Variants in KCNMA1 observed in about 807,000 individuals in gnomAD.
KCNMA1 encodes Calcium-activated potassium channel subunit alpha-1.
KCNMA1 carries 29 observed loss-of-function variants against 140.0 expected under a neutral mutation model. The ratio of observed to expected loss-of-function variants is 0.21; its 90% CI spans 0.15 to 0.28. The LOEUF (loss-of-function observed/expected upper bound fraction) is 0.28, where lower values mean the gene tolerates loss of function less well. KCNMA1 is among the 10% of genes least tolerant of loss of function. KCNMA1 has a pLI of 1.00. For synonymous variants in KCNMA1, 612 were observed against 611.9 expected (o/e 1.00, Z 0.00); for missense variants, 880 against 1,602.2 (o/e 0.55, Z 7.70).
chr10:77,491,714 TACACACACAC>T (rs3071912), intron 1 of KCNMA1, among the ~76,000 whole-genome samples: 71 of 145,560 alleles, frequency 4.9e-4, no homozygotes, highest in Non-Finnish European at 7.3e-4. Flanking sequence ...TTAGAAGTCA[TACACACACAC>T]ACACACACAC....
At chr10:77,523,116 T>C (rs887159972) in intron 1 of KCNMA1, among the ~76,000 whole-genome samples, 4 of 151,958 alleles carry the variant, frequency 2.6e-5, no homozygotes, top group Admixed American at 6.6e-5. Context: ...TAGCAAGATC[T>C]TGGTCAAGCT....
intron 21 of KCNMA1, among the ~76,000 whole-genome samples, chr10:76,949,994 A>C (rs2065654490): frequency 6.6e-6 from 1 of 152,182 alleles, no homozygotes; most frequent in African/African-American, 2.4e-5. Context: ...TTTGTGCTTC[A>C]AAATGGTTGA....
At chr10:77,449,364 A>C (rs2097584175) in intron 1 of KCNMA1, among the ~76,000 whole-genome samples, 1 of 152,146 alleles carries the variant, frequency 6.6e-6, no homozygotes, top group Non-Finnish European at 1.5e-5. Flanking sequence ...ACAAGGGGAA[A>C]TGCTCATTAC....
At chr10:77,507,120 A>G (rs905721974) in intron 1 of KCNMA1, among the ~76,000 whole-genome samples, 4 of 152,206 alleles carry the variant, frequency 2.6e-5, no homozygotes, top group African/African-American at 9.7e-5. Flanking sequence ...TTGTTTCCAT[A>G]GTCTATAAAA....
chr10:76,979,848 G>T (rs2078875558), intron 19 of KCNMA1: 1 of 152,116 alleles, frequency 6.6e-6, no homozygotes, highest in Non-Finnish European at 1.5e-5. Context: ...TTTAGTGCAA[G>T]CCAGGTGCCC....
At chr10:77,427,719 TC>T (rs773728934) in intron 1 of KCNMA1, among the ~76,000 whole-genome samples, 31,177 of 106,536 alleles carry the variant, frequency 0.29, 3,527 homozygotes, top group African/African-American at 0.36. Flanking sequence ...ATCCATCCAT[TC>T]ATTTATTTAT....
At chr10:77,375,160 G>T (rs781651399) in intron 2 of KCNMA1, among the ~76,000 whole-genome samples, 9 of 152,196 alleles carry the variant, frequency 5.9e-5, no homozygotes, top group Non-Finnish European at 1.0e-4. Flanking sequence ...ACCATTGGCG[G>T]GGGACAGCTA....
intron 1 of KCNMA1, among the ~76,000 whole-genome samples, chr10:77,626,229 T>A (rs182781203): frequency 5.9e-5 from 9 of 151,972 alleles, no homozygotes; most frequent in Non-Finnish European, 1.3e-4. Context: ...TTTTTTTTTT[T>A]AGACTGAGGC....
In KCNMA1 at chr10:76,936,716, C is replaced by G. The variant is rs548493009; in HGVS notation, c.2902+8057G>C. On this transcript the variant is annotated intron_variant, in intron 23 of 27. Transcript: ENST00000286628. The stretch of plus-strand genomic sequence containing the variant: ...CAGCCTGGGGGTCAGGAAAGCCAGG[C>G]TTGTAGAAGTGGGAGAAGGCAGAGC... 5.9e-5 allele frequency among the ~76,000 whole-genome samples: 9 copies of G among 152,190 alleles called. No individual in the cohort carries two copies. In the South Asian group the frequency reaches 1.9e-3, roughly 32 times the overall value.
intron 1 of KCNMA1, among the ~76,000 whole-genome samples, chr10:77,430,037 T>C (rs1364167088): frequency 6.6e-6 from 1 of 152,134 alleles, no homozygotes; most frequent in African/African-American, 2.4e-5. Flanking sequence ...CATGTCACAA[T>C]TTGGTTTGTG....
At chr10:77,037,027 A>G (rs1301464357) in intron 15 of KCNMA1, among the ~76,000 whole-genome samples, 1 of 152,200 alleles carries the variant, frequency 6.6e-6, no homozygotes, top group Non-Finnish European at 1.5e-5. Flanking sequence ...TGGAATATAT[A>G]TATATTCCAG....
chr10:77,147,241 T>G (rs1334361192), intron 5 of KCNMA1, among the ~76,000 whole-genome samples: 1 of 152,230 alleles, frequency 6.6e-6, no homozygotes, highest in Non-Finnish European at 1.5e-5. Flanking sequence ...CTGTTTGAAT[T>G]AAGTGTCTGC....
At chr10:77,165,228 C>T (rs2098626488) in intron 5 of KCNMA1, among the ~76,000 whole-genome samples, 1 of 152,066 alleles carries the variant, frequency 6.6e-6, no homozygotes, top group Non-Finnish European at 1.5e-5. Flanking sequence ...AACTTGCCCC[C>T]CAAGAGGAAA....
At position 76,948,777 on chromosome 10, in the gene KCNMA1, A is replaced by G. The variant is rs886581389; in HGVS notation, c.2709+365T>C. Among the ~76,000 whole-genome samples, 4 of 152,252 alleles carry G rather than the reference A, an allele frequency of 2.6e-5. No individual in the cohort carries two copies. The South Asian group carries it at 6.2e-4, about 24-fold the overall frequency. On this transcript the variant is annotated intron_variant, in intron 22 of 27. Transcript: ENST00000286628. The stretch of plus-strand genomic sequence containing the variant: ...TGTTTCTTCAAGCATTAAAAATGCC[A>G]TAAGTATAATGCTATAAATAGTTCT...
chr10:77,088,602 C>T (rs2096747551), intron 10 of KCNMA1, among the ~76,000 whole-genome samples: 1 of 151,924 alleles, frequency 6.6e-6, no homozygotes, highest in Admixed American at 6.6e-5. Flanking sequence ...GCTAATCTTT[C>T]TATTTTTGTA....
chr10:77,311,067 A>G (rs1437834235), intron 2 of KCNMA1, among the ~76,000 whole-genome samples: 1 of 152,188 alleles, frequency 6.6e-6, no homozygotes, highest in Non-Finnish European at 1.5e-5. Flanking sequence ...TGGGGTCTGA[A>G]GACCAAAGTC....
At chr10:77,039,772 C>T (rs191698634) in intron 14 of KCNMA1, 135 bp from the exon 15 acceptor site, 123 of 697,708 alleles carry the variant, frequency 1.8e-4, no homozygotes, top group Admixed American at 2.6e-4. Context: ...ATCAGGAACA[C>T]GGCCTCTGCA....
chr10:77,529,490 C>T (rs922670491), intron 1 of KCNMA1, among the ~76,000 whole-genome samples: 1 of 152,112 alleles, frequency 6.6e-6, no homozygotes, highest in African/African-American at 2.4e-5. Flanking sequence ...ATGTTCTGTG[C>T]ATGCTAGACA....
intron 1 of KCNMA1, among the ~76,000 whole-genome samples, chr10:77,434,097 C>T (rs1387393009): frequency 6.6e-6 from 1 of 152,198 alleles, no homozygotes; most frequent in Non-Finnish European, 1.5e-5. Context: ...ACGTCACCAC[C>T]TAGCTTCAAG....
Sources: allele counts gnomAD v4.1 joint callset (sites outside exome capture counted in the v4.1 genomes callset), GRCh38; gene constraint gnomAD v4.1.1; transcripts MANE v1.5; gene names NCBI Gene and HGNC (gene_info 2026-07-23, HGNC 2026-07-21).